PCDHA4: variants seen among roughly 807,000 people sequenced by gnomAD.
PCDHA4 encodes protocadherin alpha-4.
PCDHA4 carries 49 observed loss-of-function variants against 61.4 expected under a neutral mutation model. The ratio of observed to expected loss-of-function variants is 0.80; its 90% CI spans 0.63 to 1.01. The LOEUF (loss-of-function observed/expected upper bound fraction) is 1.01, where lower values mean the gene tolerates loss of function less well. Among genes scored for constraint, PCDHA4 ranks in the 50% least tolerant of loss-of-function variants. The probability of loss-of-function intolerance (pLI) is 0.00; values close to 1 mark genes in which losing one functional copy is unlikely to be tolerated. For missense variants in PCDHA4, 1,254 were observed against 1,235.8 expected (o/e 1.01, Z -0.22); for synonymous variants, 590 against 550.3 (o/e 1.07, Z -1.01).
Position 140,808,123 on chromosome 5 carries a change from A to C in PCDHA4, c.936A>C (p.Glu312Asp). The C allele has an allele frequency of 1.2e-6, 2 of 1,614,078 alleles. No homozygotes were observed. The highest frequency in any genetic ancestry group is 1.7e-6 in the Non-Finnish European group (2 of 1,179,890). Reference protein sequence around the residue: ...IIVKGYIDFEESKSYEIIVEG... With the variant: ...IIVKGYIDFEDSKSYEIIVEG... Reference sequence around the variant, plus strand: ...TAAAGGGATATATTGACTTTGAAGAAAGCAAATCCTATGAAATTATTGTAG... The same window carrying C: ...TAAAGGGATATATTGACTTTGAAGACAGCAAATCCTATGAAATTATTGTAG... Residue 312 changes from glutamate (E) to aspartate (D), a missense_variant, in exon 1 of 4, where the codon GAA (glutamate) becomes GAC (aspartate). Coordinates refer to ENST00000530339, the MANE Select transcript of PCDHA4 (RefSeq NM_018907.4).
intron 1 of PCDHA4, chr5:140,842,933 C>T (rs1356851691): frequency 6.3e-7 from 1 of 1,594,540 alleles, no homozygotes. Flanking sequence ...GGTGAGCGCG[C>T]GCGACGCGGG....
rs184346855 is a variant in PCDHA4 at position 140,854,945 on chromosome 5, A to C, written c.2385+45373A>C. 2.0e-5 allele frequency among the ~76,000 whole-genome samples: 3 copies of C among 150,054 alleles called. 1 individual carries two copies. Among genetic ancestry groups the C allele is most frequent in the African/African-American group, 7.3e-5 (3 of 41,022 alleles). ...TTTGCCTCTGAAAGCAGAAATAATA[A>C]ATTTCTTAATTACTTTATTCAGAAT... On this transcript the variant is annotated intron_variant, in intron 1 of 3. Transcript: ENST00000530339.
intron 1 of PCDHA4, chr5:140,836,929 A>G (rs1244897487): frequency 4.0e-6 from 2 of 498,160 alleles, no homozygotes; most frequent in Non-Finnish European, 6.9e-6. Flanking sequence ...GGGATGCGTA[A>G]TACTATAGAT....
intron 1 of PCDHA4, among the ~76,000 whole-genome samples, chr5:140,974,766 G>A (rs2096639663): frequency 6.6e-6 from 1 of 152,158 alleles, no homozygotes; most frequent in Non-Finnish European, 1.5e-5. Flanking sequence ...GGGATTACAG[G>A]TATGAGCCAC....
intron 1 of PCDHA4, among the ~76,000 whole-genome samples, chr5:140,904,728 T>G (rs1357605257): frequency 6.6e-6 from 1 of 152,198 alleles, no homozygotes; most frequent in Non-Finnish European, 1.5e-5. Flanking sequence ...CCAACATCTA[T>G]TATTTTTTTA....
At chr5:140,842,799 C>G (rs2150344737) in intron 1 of PCDHA4, 2 of 1,594,426 alleles carry the variant, frequency 1.3e-6, no homozygotes, top group Non-Finnish European at 1.7e-6. Context: ...GTGTCCTACT[C>G]GCTTGTGGAG....
At position 140,808,484 on chromosome 5, in the gene PCDHA4, C is replaced by G; in HGVS notation, c.1297C>G (p.Pro433Ala). 6.2e-7 allele frequency: 1 copy of G among 1,614,170 alleles called. No individual in the cohort carries two copies. Among genetic ancestry groups the G allele is most frequent in the Non-Finnish European group, 8.5e-7 (1 of 1,180,054 alleles). ...GGTGACCGCGCGAGACGGGGGCTCG[C>G]CTTCGCTGTGGGCCACGGCCAGTGT... ...LVVTARDGGS[P>A]SLWATASVSV... The change falls in exon 1 of 4, where the codon CCT becomes GCT. Residue 433 changes from proline to alanine, a missense_variant. Physicochemically the swap from Pro to Ala is conservative, Grantham distance 27. Transcript: ENST00000530339.
At chr5:140,917,876 C>CT (rs575141569) in intron 1 of PCDHA4, among the ~76,000 whole-genome samples, 41 of 147,132 alleles carry the variant, frequency 2.8e-4, no homozygotes, top group Admixed American at 1.6e-3. Context: ...TATTTGGGCT[C>CT]TTTTTTTTTT....
chr5:140,870,202 G>T, intron 1 of PCDHA4: 1 of 1,614,162 alleles, frequency 6.2e-7, no homozygotes, highest in Non-Finnish European at 8.5e-7. Flanking sequence ...GCCCAGCACG[G>T]TCATTGCCCT....
At chr5:140,897,356 C>T (rs1554187343) in intron 1 of PCDHA4, among the ~76,000 whole-genome samples, 1 of 134,770 alleles carries the variant, frequency 7.4e-6, no homozygotes, top group African/African-American at 2.8e-5. Flanking sequence ...ACAACTGTCC[C>T]CAGAGTGTGA....
chr5:140,861,715 C>A, intron 1 of PCDHA4: 1 of 216,886 alleles, frequency 4.6e-6, no homozygotes, highest in South Asian at 7.0e-5. Flanking sequence ...ACGTCGGGGC[C>A]AATGCTCTGA....
intron 1 of PCDHA4, chr5:140,835,612 A>C (rs1226937699): frequency 1.9e-6 from 3 of 1,613,770 alleles, no homozygotes; most frequent in Non-Finnish European, 1.7e-6. Context: ...TTGGTGCTGG[A>C]CAGCGCTCTG....
At chr5:140,872,131 A>G (rs2053496652) in intron 1 of PCDHA4, among the ~76,000 whole-genome samples, 1 of 152,148 alleles carries the variant, frequency 6.6e-6, no homozygotes, top group African/African-American at 2.4e-5. Context: ...TATCAAAGCT[A>G]GAATACTCCA....
At chr5:140,842,540 T>A in intron 1 of PCDHA4, 1 of 1,610,630 alleles carries the variant, frequency 6.2e-7, no homozygotes. Context: ...TTACTACTCG[T>A]TGGTGCTGGA....
intron 1 of PCDHA4, among the ~76,000 whole-genome samples, chr5:140,874,556 C>T (rs1194980368): frequency 3.3e-5 from 5 of 152,178 alleles, no homozygotes; most frequent in African/African-American, 4.8e-5. Flanking sequence ...AGAGATCTTT[C>T]GCATTTTAGT....
chr5:140,868,792 C>A, intron 1 of PCDHA4: 1 of 326,784 alleles, frequency 3.1e-6, no homozygotes, highest in South Asian at 7.0e-5. Context: ...TCTGAATATT[C>A]CATAAATAAG....
intron 1 of PCDHA4, among the ~76,000 whole-genome samples, chr5:140,917,830 G>A (rs2078377355): frequency 6.6e-6 from 1 of 151,722 alleles, no homozygotes; most frequent in Admixed American, 6.6e-5. Flanking sequence ...GTAGTGTGAT[G>A]TCCTTCTTGT....
chr5:140,853,643 T>C, intron 1 of PCDHA4: 2 of 988,768 alleles, frequency 2.0e-6, no homozygotes, highest in Non-Finnish European at 2.4e-6. Flanking sequence ...AGACCTAAAT[T>C]GAGCCTGTTC....
In PCDHA4 at chr5:140,978,698, A is replaced by C. The variant is rs150194035; in HGVS notation, c.2386-251A>C. 1.4e-3 allele frequency among the ~76,000 whole-genome samples: 215 copies of C among 152,372 alleles called. 5 individuals carry two copies. In the South Asian group the frequency reaches 0.033, roughly 23 times the overall value. ...ACATGTATTGGGCAAGGCAAAGCCA[A>C]AGGTGGCCTTTACAAGATTATTAAA... is the stretch of plus-strand genomic sequence containing the variant. On this transcript the variant is annotated intron_variant, in intron 1 of 3. Transcript: ENST00000530339.
Sources: gnomAD v4.1 joint callset for allele counts (sites outside exome capture counted in the v4.1 genomes callset) on GRCh38, gnomAD v4.1.1 for gene constraint, MANE v1.5 for transcripts, NCBI Gene and HGNC (gene_info 2026-07-23, HGNC 2026-07-21) for gene names.